ACSM3: variants seen among roughly 807,000 people sequenced by gnomAD.
The protein encoded by ACSM3 is acyl-coenzyme A synthetase ACSM3, mitochondrial.
Under a neutral mutation model 74.1 loss-of-function variants are expected in ACSM3, and 61 were observed. That is an observed-to-expected ratio of 0.82 (90% CI 0.67 to 1.02). ACSM3 has a LOEUF of 1.02. Ranked by LOEUF, ACSM3 falls within the 50% of genes least tolerant of loss-of-function variation. ACSM3 has a pLI of 0.00. For missense variants in ACSM3, 660 were observed against 697.0 expected, an observed-to-expected ratio of 0.95 and a Z score of 0.60; for synonymous variants, 213 against 241.5, an observed-to-expected ratio of 0.88 and a Z score of 1.09.
rs748043572 is a variant in ACSM3, at chr16:20,741,573, T to C, written c.-189-8337T>C. 8 of 1,478,056 alleles carry C rather than the reference T, an allele frequency of 5.4e-6. No homozygotes were observed. Among genetic ancestry groups the C allele is most frequent in the South Asian group, 2.4e-5 (2 of 85,102 alleles). 91.6% of individuals were successfully genotyped at this position (1,478,056 alleles called of 1,614,324 possible). Reference sequence around the variant, plus strand: ...GAGGCTGTAGGCCTCCTCCACGCACTTGCGCTCGTTCATATTGCAGGTGAT... The same window carrying C: ...GAGGCTGTAGGCCTCCTCCACGCACCTGCGCTCGTTCATATTGCAGGTGAT... On this transcript the variant is annotated intron_variant, in intron 1 of 3. Transcript: ENST00000561584.
intron 3 of ACSM3, among the ~76,000 whole-genome samples, chr16:20,776,623 A>G (rs2071525): frequency 0.13 from 20,230 of 152,206 alleles, 1,406 homozygotes; most frequent in East Asian, 0.21. Flanking sequence ...TTCTTTACAT[A>G]TTTTAACTCA....
chr16:20,731,408 C>T (rs562300321), intron 1 of ACSM3: 50 of 167,124 alleles, frequency 3.0e-4, no homozygotes, highest in Non-Finnish European at 3.8e-4. Context: ...TTTCTTGAAC[C>T]GCTGCACTCC....
At chr16:20,749,443 C>A (rs908997721) in intron 1 of ACSM3, 2 of 152,264 alleles carry the variant, frequency 1.3e-5, no homozygotes, top group African/African-American at 2.4e-5. Context: ...ATGTTAGAAG[C>A]CTGGGAAAGG....
At chr16:20,777,021 T>C (rs1047514765) in intron 3 of ACSM3, among the ~76,000 whole-genome samples, 2 of 152,226 alleles carry the variant, frequency 1.3e-5, no homozygotes, top group Admixed American at 1.3e-4. Context: ...TTTTGGGGTT[T>C]TTTTGGTGGG....
At chr16:20,701,773 A>G (rs1046369553) in intron 1 of ACSM3, among the ~76,000 whole-genome samples, 2 of 152,102 alleles carry the variant, frequency 1.3e-5, no homozygotes, top group African/African-American at 4.8e-5. Flanking sequence ...ACTCCCACTT[A>G]TCAGTGAGAA....
At chr16:20,695,711 A>G (rs2079686387) in intron 1 of ACSM3, among the ~76,000 whole-genome samples, 1 of 151,996 alleles carries the variant, frequency 6.6e-6, no homozygotes, top group African/African-American at 2.4e-5. Flanking sequence ...ATCTAGATAT[A>G]TAAGAACCTG....
intron 1 of ACSM3, among the ~76,000 whole-genome samples, chr16:20,698,572 G>A (rs2079702785): frequency 6.6e-6 from 1 of 152,064 alleles, no homozygotes; most frequent in Non-Finnish European, 1.5e-5. Context: ...GCAATGGCAT[G>A]GTCTTGGCTC....
intron 1 of ACSM3, chr16:20,737,849 A>C (rs1228989917): frequency 6.2e-7 from 1 of 1,613,844 alleles, no homozygotes. Flanking sequence ...TCTTCTAAAA[A>C]AGCCTTGCAT....
rs1009715241 is a variant in ACSM3, at chr16:20,791,928, A to G, written c.1327-74A>G. 2.9e-4 allele frequency: 87 copies of G among 299,990 alleles called. No individual in the cohort carries two copies. The Middle Eastern group carries it at 3.7e-3, about 13-fold the overall frequency. The allele number at this position is 299,990 out of a possible 1,614,324, so 18.6% of individuals were successfully genotyped here. A position where few individuals can be genotyped will look rare whatever the true frequency, so the allele number is the denominator to read the frequency against. ...GGGTAACAGAGTGAGACTGTCTCGG[A>G]AAAAAAAAAAAAAATTCCAATTGAC... On this transcript the variant is annotated intron_variant, in intron 10 of 13. Transcript: ENST00000289416.
intron 1 of ACSM3, chr16:20,682,269 G>A (rs143258524): frequency 3.8e-5 from 61 of 1,612,900 alleles, no homozygotes; most frequent in South Asian, 5.5e-5. Flanking sequence ...ACCAGCGATC[G>A]GAAGTCCAGC....
intron 1 of ACSM3, chr16:20,735,908 T>G (rs1168273311): frequency 6.6e-6 from 1 of 152,194 alleles, no homozygotes; most frequent in East Asian, 1.9e-4. Flanking sequence ...TGTTATTAGA[T>G]TCTCACCAAC....
At chr16:20,742,533 C>G (rs1487322968) in intron 1 of ACSM3, among the ~76,000 whole-genome samples, 1 of 151,858 alleles carries the variant, frequency 6.6e-6, no homozygotes, top group Non-Finnish European at 1.5e-5. Flanking sequence ...GTCCCAACTA[C>G]TCGGGAGGCT....
At chr16:20,795,046 C>A (rs1483309469) in intron 12 of ACSM3, among the ~76,000 whole-genome samples, 1 of 152,176 alleles carries the variant, frequency 6.6e-6, no homozygotes, top group Non-Finnish European at 1.5e-5. Flanking sequence ...AATGTTAATG[C>A]AGCAGAGCTA....
At chr16:20,757,005 G>A (rs1169339069) in intron 3 of ACSM3, among the ~76,000 whole-genome samples, 2 of 151,478 alleles carry the variant, frequency 1.3e-5, no homozygotes, top group Non-Finnish European at 3.0e-5. Flanking sequence ...TCTCTGTTTT[G>A]GTACCAGTAC....
intron 1 of ACSM3, among the ~76,000 whole-genome samples, chr16:20,713,397 AC>A (rs566574960): frequency 0.012 from 1,827 of 152,052 alleles, 18 homozygotes; most frequent in Non-Finnish European, 0.019. Flanking sequence ...TTTTTAACAT[AC>A]CCCCCCATAC....
In ACSM3 at chr16:20,781,608, T is replaced by G. The variant is rs2080354183; in HGVS notation, c.940-100T>G. ...AGAAAAGGTAAGAATGTATTTACAT[T>G]AACATAAACAATGTTTAAATTGTGC... is the stretch of plus-strand genomic sequence containing the variant. On this transcript the variant is annotated intron_variant, in intron 6 of 13. Transcript: ENST00000289416. The G allele has an allele frequency of 4.4e-6, 4 of 911,548 alleles. No homozygotes were observed. In the Admixed American group the frequency reaches 5.6e-5, roughly 13 times the overall value. The allele number at this position is 911,548 out of a possible 1,614,324, so 56.5% of individuals were successfully genotyped here.
intron 1 of ACSM3, among the ~76,000 whole-genome samples, chr16:20,684,200 A>G (rs1343149738): frequency 6.6e-6 from 1 of 152,246 alleles, no homozygotes; most frequent in Non-Finnish European, 1.5e-5. Flanking sequence ...ACTGACAGAA[A>G]TAGAAAATTT....
chr16:20,721,742 GTCAGTA>G (rs2079786339), intron 1 of ACSM3: 1 of 152,146 alleles, frequency 6.6e-6, no homozygotes, highest in Non-Finnish European at 1.5e-5. Flanking sequence ...CTAGAATAAA[GTCAGTA>G]TCACTGATAC....
At chr16:20,738,396 G>C (rs117716220) in intron 1 of ACSM3, 4,210 of 320,286 alleles carry the variant, frequency 0.013, 54 homozygotes, top group South Asian at 0.023. Flanking sequence ...CTAAATCTCA[G>C]ACCCAAGAGG....
Sources: gnomAD v4.1 joint callset for allele counts (sites outside exome capture counted in the v4.1 genomes callset) on GRCh38, gnomAD v4.1.1 for gene constraint, MANE v1.5 for transcripts, NCBI Gene and HGNC (gene_info 2026-07-23, HGNC 2026-07-21) for gene names.